MCPH1: variants seen among roughly 807,000 people sequenced by gnomAD.
MCPH1 encodes microcephalin.
Under a neutral mutation model 84.5 loss-of-function variants are expected in MCPH1, and 104 were observed. The ratio of observed to expected loss-of-function variants is 1.23; its 90% CI spans 1.05 to 1.45. The LOEUF is 1.45. Among genes scored for constraint, MCPH1 ranks in the 40% most tolerant of loss-of-function variants. The probability of loss-of-function intolerance (pLI) is 0.00; values close to 1 mark genes in which losing one functional copy is unlikely to be tolerated. For synonymous variants in MCPH1, 514 were observed against 366.8 expected (o/e 1.40, Z -4.58); for missense variants, 1,498 against 1,005.7 (o/e 1.49, Z -6.62).
chr8:6,636,122 T>G (rs894972034), intron 13 of MCPH1, among the ~76,000 whole-genome samples: 2 of 152,158 alleles, frequency 1.3e-5, no homozygotes, highest in Non-Finnish European at 2.9e-5. Flanking sequence ...GCAGATCACT[T>G]GAGGCCAGGA....
chr8:6,526,889 TC>T (rs1248135073), intron 12 of MCPH1, among the ~76,000 whole-genome samples: 1 of 152,190 alleles, frequency 6.6e-6, no homozygotes, highest in Admixed American at 6.5e-5. Context: ...CAATTTTTTT[TC>T]TATTGTTGAT....
chr8:6,406,680 A>G lies in MCPH1; in HGVS notation c.13A>G (p.Ile5Val). 3 of 1,611,530 alleles carry G rather than the reference A, an allele frequency of 1.9e-6. No individual in the cohort carries two copies. The highest frequency in any genetic ancestry group is 2.5e-6 in the Non-Finnish European group (3 of 1,179,360). MAAP[I>V]LKDVVAYVEV... ...CCCGCCGTCTGTCATGGCGGCCCCC[A>G]TCCTGAAAGGTGAGGTACTTCCTGC... The change falls in exon 1 of 14, where the codon ATC becomes GTC. Residue 5 changes from isoleucine (I) to valine (V), a missense_variant. Ile to Val is a conservative substitution (Grantham distance 29). Coordinates refer to ENST00000344683, the MANE Select transcript of MCPH1 (RefSeq NM_024596.5).
intron 12 of MCPH1, among the ~76,000 whole-genome samples, chr8:6,545,966 G>C (rs919345225): frequency 3.3e-5 from 5 of 152,198 alleles, no homozygotes; most frequent in African/African-American, 1.2e-4. Flanking sequence ...TGGGGAAGTA[G>C]CGATATTTGT....
intron 12 of MCPH1, among the ~76,000 whole-genome samples, chr8:6,505,396 T>TAGAA (rs1813300093): frequency 1.8e-5 from 1 of 55,798 alleles, no homozygotes; most frequent in African/African-American, 6.2e-5. Context: ...TATATGTATA[T>TAGAA]AGAATATATA....
At chr8:6,420,606 C>A (rs777136524) in intron 3 of MCPH1, among the ~76,000 whole-genome samples, 13 of 152,024 alleles carry the variant, frequency 8.6e-5, no homozygotes, top group Non-Finnish European at 1.6e-4. Flanking sequence ...CTTATGGAGT[C>A]CATTGAAATG....
At chr8:6,480,128 CT>C (rs751438919) in intron 10 of MCPH1, among the ~76,000 whole-genome samples, 141 of 142,086 alleles carry the variant, frequency 9.9e-4, no homozygotes, top group Non-Finnish European at 1.3e-3. Flanking sequence ...TTCTTTTTTT[CT>C]TTTTTTTTTT....
intron 9 of MCPH1, among the ~76,000 whole-genome samples, chr8:6,463,055 C>G (rs116250448): frequency 7.2e-5 from 11 of 152,154 alleles, no homozygotes; most frequent in African/African-American, 1.4e-4. Flanking sequence ...CACAGGCATG[C>G]CAGAGCCAAA....
At chr8:6,586,123 C>T (rs1047933786) in intron 12 of MCPH1, among the ~76,000 whole-genome samples, 8 of 152,030 alleles carry the variant, frequency 5.3e-5, no homozygotes, top group African/African-American at 9.7e-5. Context: ...ACCATGCCCA[C>T]GCTTTCTGAT....
At chr8:6,591,629 C>T (rs775874551) in intron 12 of MCPH1, among the ~76,000 whole-genome samples, 1 of 152,110 alleles carries the variant, frequency 6.6e-6, no homozygotes, top group Non-Finnish European at 1.5e-5. Context: ...GGTGAGGTAC[C>T]GTATTCCAGG....
At chr8:6,496,439 C>G (rs1811235076) in intron 11 of MCPH1, among the ~76,000 whole-genome samples, 1 of 152,200 alleles carries the variant, frequency 6.6e-6, no homozygotes, top group African/African-American at 2.4e-5. Context: ...AGGCCACAGA[C>G]TGGTACCAGG....
intron 10 of MCPH1, among the ~76,000 whole-genome samples, chr8:6,479,628 C>G (rs1181362983): frequency 2.6e-5 from 4 of 151,618 alleles, no homozygotes; most frequent in Non-Finnish European, 5.9e-5. Context: ...GTAGAGACAG[C>G]GTTTCACCAT....
chr8:6,573,191 T>C (rs74713177), intron 12 of MCPH1, among the ~76,000 whole-genome samples: 123 of 152,124 alleles, frequency 8.1e-4, no homozygotes, highest in African/African-American at 2.9e-3. Flanking sequence ...CATAAAGCAT[T>C]TGGGGCGGGG....
At chr8:6,477,398 G>C in intron 9 of MCPH1, 196 bp from the exon 10 acceptor site, 2 of 581,960 alleles carry the variant, frequency 3.4e-6, no homozygotes, top group Non-Finnish European at 6.0e-6. Flanking sequence ...GGATTGCTTT[G>C]GGGACAGTAT....
At chr8:6,483,692 T>C (rs1809505884) in intron 11 of MCPH1, among the ~76,000 whole-genome samples, 1 of 152,112 alleles carries the variant, frequency 6.6e-6, no homozygotes, top group African/African-American at 2.4e-5. Context: ...AAACCCCGTC[T>C]CTACCAAAAA....
chr8:6,510,026 C>T (rs77577304), intron 12 of MCPH1, among the ~76,000 whole-genome samples: 98 of 152,218 alleles, frequency 6.4e-4, no homozygotes, highest in African/African-American at 2.1e-3. Flanking sequence ...TTCACACCAT[C>T]GTAAAGTCGA....
At chr8:6,441,984 T>C (rs1220768817) in intron 6 of MCPH1, 83 bp from the exon 7 acceptor site, 14 of 910,612 alleles carry the variant, frequency 1.5e-5, no homozygotes, top group Non-Finnish European at 2.2e-5. Context: ...TCACCTATGA[T>C]TAATAGGAGG....
intron 11 of MCPH1, among the ~76,000 whole-genome samples, chr8:6,490,873 A>T (rs2979659): frequency 5.3e-5 from 8 of 151,728 alleles, no homozygotes; most frequent in African/African-American, 1.7e-4. Flanking sequence ...TTTCTGAAAG[A>T]AAGTTTCTCT....
At chr8:6,507,458 A>G (rs1210726185) in intron 12 of MCPH1, 1 of 152,130 alleles carries the variant, frequency 6.6e-6, no homozygotes, top group Non-Finnish European at 1.5e-5. Context: ...TTTTTCAAGA[A>G]CTAACTTGAC....
intron 2 of MCPH1, among the ~76,000 whole-genome samples, chr8:6,414,435 A>G (rs760203447): frequency 1.3e-5 from 2 of 152,192 alleles, no homozygotes; most frequent in Non-Finnish European, 2.9e-5. Context: ...TGAAATGTCC[A>G]TTATTATCTG....
Sources: allele counts gnomAD v4.1 joint callset (sites outside exome capture counted in the v4.1 genomes callset), GRCh38; gene constraint gnomAD v4.1.1; transcripts MANE v1.5; gene names NCBI Gene and HGNC (gene_info 2026-07-23, HGNC 2026-07-21).